Variants in SLC2A5 observed in about 807,000 individuals in gnomAD.
The protein encoded by SLC2A5 is solute carrier family 2 member 5.
SLC2A5 carries 56 observed loss-of-function variants against 50.3 expected under a neutral mutation model. The ratio of observed to expected loss-of-function variants is 1.11; its 90% CI spans 0.90 to 1.39. The LOEUF (loss-of-function observed/expected upper bound fraction) is 1.39. Among genes scored for constraint, SLC2A5 ranks in the 40% most tolerant of loss-of-function variants. The pLI, the probability that SLC2A5 is intolerant of heterozygous loss-of-function variation, is 0.00. For missense variants in SLC2A5, 566 were observed against 650.1 expected (o/e 0.87, Z 1.41); for synonymous variants, 269 against 281.9 (o/e 0.95, Z 0.46).
At chr1:9,088,356 C>T (rs555637845) in intron 1 of SLC2A5, 1 of 152,468 alleles carries the variant, frequency 6.6e-6, no homozygotes, top group South Asian at 2.1e-4. Flanking sequence ...CTCCCTCCTC[C>T]TTCTCCACCT....
intron 4 of SLC2A5, among the ~76,000 whole-genome samples, chr1:9,042,898 C>T (rs4908526): frequency 0.43 from 64,549 of 151,828 alleles, 14,186 homozygotes; most frequent in East Asian, 0.64. Flanking sequence ...TTCTGTAATG[C>T]CTGGACTACT....
chr1:9,081,283 CA>C (rs1250033751), intron 2 of SLC2A5, among the ~76,000 whole-genome samples: 34 of 123,384 alleles, frequency 2.8e-4, no homozygotes, highest in Admixed American at 7.1e-4. Flanking sequence ...AAAAAAACCC[CA>C]AAAAAAAAAA....
intron 1 of SLC2A5, among the ~76,000 whole-genome samples, chr1:9,067,174 C>T (rs1176124428): frequency 6.6e-6 from 1 of 152,148 alleles, no homozygotes; most frequent in East Asian, 1.9e-4. Flanking sequence ...CTCGGCTGCA[C>T]TTAATGATTT....
In SLC2A5 at chr1:9,052,152, C is replaced by T. The variant is rs181446103; in HGVS notation, c.294-4418G>A. On this transcript the variant is annotated intron_variant, in intron 3 of 11. Transcript: ENST00000377424. Reference sequence around the variant, plus strand: ...TGCAAAAATTAGCTGGGTGTGGTGGCGTGCACCTGTAGTCCCAGCTACTCA... The same window carrying T: ...TGCAAAAATTAGCTGGGTGTGGTGGTGTGCACCTGTAGTCCCAGCTACTCA... 3.1e-3 allele frequency among the ~76,000 whole-genome samples: 474 copies of T among 152,190 alleles called. 1 individual carries two copies. The highest frequency in any genetic ancestry group is 4.6e-3 in the Non-Finnish European group (310 of 68,020).
chr1:9,050,469 CA>C (rs1000367518), intron 3 of SLC2A5, among the ~76,000 whole-genome samples: 15 of 150,666 alleles, frequency 1.0e-4, no homozygotes, highest in African/African-American at 2.7e-4. Flanking sequence ...AAACAAAAAA[CA>C]AAAAAAAGGA....
At chr1:9,063,887 G>A (rs1222769950) in intron 1 of SLC2A5, among the ~76,000 whole-genome samples, 1 of 143,618 alleles carries the variant, frequency 7.0e-6, no homozygotes, top group Non-Finnish European at 1.5e-5. Context: ...AGTAGAGACG[G>A]GGTTTCACCG....
chr1:9,069,912 C>A, upstream of SLC2A5: 1 of 189,532 alleles, frequency 5.3e-6, no homozygotes. Flanking sequence ...GTCCTCCACC[C>A]TACATGACAC....
chr1:9,059,698 T>TA (rs1641858764), intron 1 of SLC2A5, among the ~76,000 whole-genome samples: 2 of 151,490 alleles, frequency 1.3e-5, no homozygotes, highest in South Asian at 2.1e-4. Context: ...CCTGGCTAAT[T>TA]AAAAAATATA....
In SLC2A5 at chr1:9,037,980, A is replaced by G. The variant is rs1427016075; in HGVS notation, c.1219T>C (p.Ser407Pro). 6.2e-7 allele frequency: 1 copy of G among 1,613,952 alleles called. No individual in the cohort carries two copies. The highest frequency in any genetic ancestry group is 1.1e-5 in the South Asian group (1 of 91,082). The change falls in exon 11 of 12, where the codon TCT becomes CCT. Residue 407 changes from serine (S) to proline (P), a missense_variant. Transcript: ENST00000377424. ...LLITEIFLQS[S>P]RPSAFMVGGS... ...CCCACCATGAAGGCAGATGGCCGAG[A>G]GGACTGCAGGAAGATCTCAGTGATG...
At position 9,037,500 on chromosome 1, in the gene SLC2A5, G is replaced by T. The variant is rs767824628; in HGVS notation, c.*86C>A. On this transcript the variant is annotated 3_prime_UTR_variant, in exon 12 of 12. Coordinates refer to ENST00000377424, the MANE Select transcript of SLC2A5 (RefSeq NM_003039.3). ...CCACATCAGAGTTGTTTTATTTCTGGATATTCACAGACAGCTAGAAGTCAG... is the reference window on the plus strand; with the variant it reads ...CCACATCAGAGTTGTTTTATTTCTGTATATTCACAGACAGCTAGAAGTCAG... 1.3e-5 allele frequency: 14 copies of T among 1,112,610 alleles called. No individual in the cohort carries two copies. Among genetic ancestry groups the T allele is most frequent in the Middle Eastern group, 2.7e-4 (1 of 3,672 alleles). The allele number at this position is 1,112,610 out of a possible 1,614,324, so 68.9% of individuals were successfully genotyped here.
chr1:9,084,361 C>T (rs188479041), intron 2 of SLC2A5, among the ~76,000 whole-genome samples: 11 of 152,286 alleles, frequency 7.2e-5, no homozygotes, highest in Admixed American at 5.2e-4. Context: ...TGAGTAGGCC[C>T]GAACTCTCCT....
Position 9,040,191 on chromosome 1 carries a change from T to C in SLC2A5, c.572-2A>G. 6.5e-7 allele frequency: 1 copy of C among 1,548,264 alleles called. No individual in the cohort carries two copies. The highest frequency in any genetic ancestry group is 1.2e-5 in the South Asian group (1 of 84,152). ...TCAGCCCCAGCAGGATCGGCCAGCC[T>C]GGGAGGAAGGCAGCGAGCTGGCACC... On this transcript the variant is annotated splice_acceptor_variant, in intron 5 of 11. Transcript: ENST00000377424. LOFTEE classifies it high-confidence loss of function. The surrounding 1 kb of genome is among the most constrained non-coding windows in gnomAD (Gnocchi z 4.3).
intron 10 of SLC2A5, 37 bp from the exon 11 acceptor site, chr1:9,038,061 G>C: frequency 6.2e-7 from 1 of 1,608,598 alleles, no homozygotes; most frequent in Non-Finnish European, 8.5e-7. Flanking sequence ...TGAAGGCAGA[G>C]CGGGCCCGAG....
chr1:9,088,815 C>T (rs1474112977), upstream of SLC2A5, among the ~76,000 whole-genome samples: 1 of 152,078 alleles, frequency 6.6e-6, no homozygotes, highest in South Asian at 2.1e-4. Flanking sequence ...GCAAAAGCTA[C>T]TTCAGCCAGT....
intron 3 of SLC2A5, among the ~76,000 whole-genome samples, chr1:9,051,179 AAAAG>A (rs1358585790): frequency 1.2e-4 from 19 of 152,090 alleles, no homozygotes; most frequent in Admixed American, 3.3e-4. Flanking sequence ...CTTTATTGCA[AAAAG>A]AAAGAAAGAA....
At chr1:9,066,424 C>T (rs1642084936) in intron 1 of SLC2A5, among the ~76,000 whole-genome samples, 1 of 151,942 alleles carries the variant, frequency 6.6e-6, no homozygotes, top group East Asian at 1.9e-4. Context: ...TTGTAGAGAC[C>T]AAGTTTCGCC....
the SLC2A5 span, among the ~76,000 whole-genome samples, chr1:9,094,018 G>A: frequency 6.6e-6 from 1 of 152,124 alleles, no homozygotes; most frequent in Non-Finnish European, 1.5e-5. Flanking sequence ...CCATTGAAGG[G>A]CCCATAACTA....
At chr1:9,060,308 C>T (rs1325611671) in intron 1 of SLC2A5, among the ~76,000 whole-genome samples, 1 of 124,900 alleles carries the variant, frequency 8.0e-6, no homozygotes, top group African/African-American at 3.2e-5. Flanking sequence ...CACGCCCCCC[C>T]ACATGTACAC....
the SLC2A5 span, among the ~76,000 whole-genome samples, chr1:9,094,167 T>TCGG: frequency 2.0e-5 from 3 of 152,328 alleles, no homozygotes; most frequent in Non-Finnish European, 2.9e-5. Context: ...ACTCACCCGG[T>TCGG]TGACTACCAA....
Sources: allele counts gnomAD v4.1 joint callset (sites outside exome capture counted in the v4.1 genomes callset), GRCh38; gene constraint gnomAD v4.1.1; non-coding constraint Gnocchi (gnomAD v3.1); transcripts MANE v1.5; gene names NCBI Gene and HGNC (gene_info 2026-07-23, HGNC 2026-07-21).